Variants in EXOC6 observed in about 807,000 individuals in gnomAD.
The protein encoded by EXOC6 is SEC15-like 1.
Under a neutral mutation model 112.5 loss-of-function variants are expected in EXOC6, and 60 were observed. The ratio of observed to expected loss-of-function variants is 0.53; its 90% CI spans 0.43 to 0.66. EXOC6 has a LOEUF of 0.66. EXOC6 is among the 30% of genes least tolerant of loss of function. The pLI, the probability that EXOC6 is intolerant of heterozygous loss-of-function variation, is 0.00. For missense variants in EXOC6, 855 were observed against 957.1 expected, an observed-to-expected ratio of 0.89 and a Z score of 1.41; for synonymous variants, 295 against 308.0, an observed-to-expected ratio of 0.96 and a Z score of 0.44.
intron 1 of EXOC6, among the ~76,000 whole-genome samples, chr10:92,866,382 A>G (rs542974154): frequency 6.6e-6 from 1 of 152,308 alleles, no homozygotes; most frequent in East Asian, 1.9e-4. Flanking sequence ...GAACACTTTC[A>G]TTAACATGTC....
chr10:92,941,840 A>T (rs61862319), intron 13 of EXOC6, among the ~76,000 whole-genome samples: 1,720 of 152,178 alleles, frequency 0.011, 19 homozygotes, highest in Non-Finnish European at 0.017. Flanking sequence ...ATGCCCCCAC[A>T]CTTGAATTAC....
chr10:92,956,587 C>T (rs1395170074), intron 17 of EXOC6, among the ~76,000 whole-genome samples: 2 of 152,072 alleles, frequency 1.3e-5, no homozygotes, highest in East Asian at 1.9e-4. Flanking sequence ...ACCCTGGGAT[C>T]CTAGAATTAC....
intron 20 of EXOC6, among the ~76,000 whole-genome samples, chr10:93,022,882 T>G (rs1337899257): frequency 6.6e-6 from 1 of 152,164 alleles, no homozygotes; most frequent in Non-Finnish European, 1.5e-5. Context: ...TAAAGCTATT[T>G]CATAGCATAT....
At chr10:92,975,608 G>T (rs1339505100) in intron 18 of EXOC6, among the ~76,000 whole-genome samples, 1 of 143,658 alleles carries the variant, frequency 7.0e-6, no homozygotes, top group African/African-American at 2.6e-5. Context: ...CCGTCCGGGA[G>T]GGAGGTTGGG....
chr10:92,979,411 A>G (rs1842748043), intron 18 of EXOC6, among the ~76,000 whole-genome samples: 1 of 152,222 alleles, frequency 6.6e-6, no homozygotes, highest in Admixed American at 6.5e-5. Flanking sequence ...TTGTTCCAGA[A>G]AAGTTATGAT....
At chr10:92,987,006 G>A (rs1465963372) in intron 18 of EXOC6, among the ~76,000 whole-genome samples, 1 of 151,744 alleles carries the variant, frequency 6.6e-6, no homozygotes, top group Admixed American at 6.6e-5. Context: ...CTTTCCTCGA[G>A]TAATTTATTT....
At chr10:92,930,690 G>A (rs929783900) in intron 9 of EXOC6, among the ~76,000 whole-genome samples, 7 of 151,766 alleles carry the variant, frequency 4.6e-5, no homozygotes. Context: ...AAAAAACAAA[G>A]GATAAAATCT....
At chr10:92,868,196 T>A (rs1404614124) in intron 1 of EXOC6, among the ~76,000 whole-genome samples, 1 of 152,134 alleles carries the variant, frequency 6.6e-6, no homozygotes, top group African/African-American at 2.4e-5. Context: ...TTGGTACTTG[T>A]ATGGTGTTTT....
At chr10:93,041,662 C>T (rs1399041195) in intron 20 of EXOC6, among the ~76,000 whole-genome samples, 1 of 152,138 alleles carries the variant, frequency 6.6e-6, no homozygotes, top group African/African-American at 2.4e-5. Flanking sequence ...GATCTGCCTG[C>T]CTCGGCCTCC....
chr10:92,997,550 G>C lies in EXOC6; in HGVS notation c.2030G>C (p.Ser677Thr). ...STSLMQMLLD[S>T]ELKQISMGAV... Reference sequence around the variant, plus strand: ...TCCTTAATGCAGATGCTACTGGACAGTGAGTTAAAACAAATAAGCATGGGA... The same window carrying C: ...TCCTTAATGCAGATGCTACTGGACACTGAGTTAAAACAAATAAGCATGGGA... The change falls in exon 19 of 22, where the codon AGT (serine) becomes ACT (threonine). Residue 677 changes from serine (S) to threonine (T), a missense_variant. Ser to Thr is a moderately conservative substitution (Grantham distance 58). Coordinates refer to ENST00000260762, the MANE Select transcript of EXOC6 (RefSeq NM_019053.6). 1.9e-6 allele frequency: 3 copies of C among 1,613,760 alleles called. No homozygotes were observed. The highest frequency in any genetic ancestry group is 2.5e-6 in the Non-Finnish European group (3 of 1,179,786).
At chr10:92,934,540 G>A in intron 11 of EXOC6, 110 bp downstream of exon 11, 7 of 932,552 alleles carry the variant, frequency 7.5e-6, no homozygotes, top group Middle Eastern at 2.6e-4. Flanking sequence ...CATTTTTTTA[G>A]TAGTTGCTTA....
At chr10:92,974,005 G>A (rs751773596) in intron 17 of EXOC6, 48 bp from the exon 18 acceptor site, 11 of 1,382,548 alleles carry the variant, frequency 8.0e-6, no homozygotes, top group East Asian at 4.9e-5. Context: ...AAGAACACTT[G>A]TTTTATTATC....
At chr10:92,896,053 A>C (rs1422437491) in intron 4 of EXOC6, among the ~76,000 whole-genome samples, 3 of 47,702 alleles carry the variant, frequency 6.3e-5, no homozygotes, top group Admixed American at 3.0e-4. Flanking sequence ...ATGTGTATAT[A>C]TATGTGTATA....
At chr10:93,055,518 G>A (rs932459903) in intron 20 of EXOC6, among the ~76,000 whole-genome samples, 1 of 152,142 alleles carries the variant, frequency 6.6e-6, no homozygotes, top group Non-Finnish European at 1.5e-5. Flanking sequence ...TTCCGGAGAC[G>A]TTATACTAAT....
intron 1 of EXOC6, among the ~76,000 whole-genome samples, chr10:92,869,844 C>T (rs1169146101): frequency 1.3e-5 from 2 of 151,912 alleles, no homozygotes; most frequent in Admixed American, 1.3e-4. Context: ...ACTTAACAAT[C>T]CAATAATTGC....
intron 18 of EXOC6, among the ~76,000 whole-genome samples, chr10:92,976,697 T>C (rs1357694493): frequency 1.3e-5 from 2 of 150,430 alleles, no homozygotes; most frequent in Admixed American, 1.3e-4. Flanking sequence ...AAAAACATAA[T>C]TAATGGCTTT....
chr10:93,032,658 G>T (rs1464488747), intron 20 of EXOC6, among the ~76,000 whole-genome samples: 1 of 152,194 alleles, frequency 6.6e-6, no homozygotes, highest in East Asian at 1.9e-4. Context: ...TGTTTTAAGT[G>T]CAGAAGACAG....
intron 1 of EXOC6, among the ~76,000 whole-genome samples, chr10:92,888,083 C>G (rs1342144658): frequency 6.6e-6 from 1 of 152,156 alleles, no homozygotes; most frequent in Non-Finnish European, 1.5e-5. Context: ...CTACTCTTCT[C>G]ATTCACAGTA....
At chr10:93,017,188 A>G (rs1044202721) in intron 20 of EXOC6, among the ~76,000 whole-genome samples, 3 of 152,082 alleles carry the variant, frequency 2.0e-5, no homozygotes, top group Admixed American at 6.5e-5. Flanking sequence ...CTCAAAAAGC[A>G]GTTTACAATT....
Sources: allele counts gnomAD v4.1 joint callset (sites outside exome capture counted in the v4.1 genomes callset), GRCh38; gene constraint gnomAD v4.1.1; transcripts MANE v1.5; gene names NCBI Gene and HGNC (gene_info 2026-07-23, HGNC 2026-07-21).